Variants in LRMDA observed in about 807,000 individuals in gnomAD.
LRMDA encodes leucine rich melanocyte differentiation associated, also known as leucine-rich melanocyte differentiation-associated protein.
LRMDA carries 18 observed loss-of-function variants against 29.8 expected under a neutral mutation model. That is an observed-to-expected ratio of 0.60 (90% CI 0.42 to 0.90). LRMDA has a LOEUF of 0.90. Ranked by LOEUF, LRMDA falls within the 40% of genes least tolerant of loss-of-function variation. LRMDA has a pLI of 0.00. For missense variants in LRMDA, 273 were observed against 273.9 expected, an observed-to-expected ratio of 1.00 and a Z score of 0.02; for synonymous variants, 125 against 109.4, an observed-to-expected ratio of 1.14 and a Z score of -0.89.
intron 2 of LRMDA, among the ~76,000 whole-genome samples, chr10:75,922,591 A>G (rs991770085): frequency 6.6e-6 from 1 of 152,114 alleles, no homozygotes; most frequent in African/African-American, 2.4e-5. Flanking sequence ...CAGAGTTCCA[A>G]CATTAATGTC....
chr10:75,694,740 T>C (rs1054403814), intron 2 of LRMDA, among the ~76,000 whole-genome samples: 1 of 152,158 alleles, frequency 6.6e-6, no homozygotes, highest in African/African-American at 2.4e-5. Context: ...TTCTGAAATA[T>C]CGGCTGTATA....
At chr10:76,164,904 G>A (rs1237877367) in intron 5 of LRMDA, among the ~76,000 whole-genome samples, 8 of 152,150 alleles carry the variant, frequency 5.3e-5, no homozygotes, top group Admixed American at 2.6e-4. Context: ...CAAAGGGCAC[G>A]TGTATCAGTC....
intron 2 of LRMDA, among the ~76,000 whole-genome samples, chr10:75,563,826 C>T (rs1378628242): frequency 6.6e-6 from 1 of 152,048 alleles, no homozygotes; most frequent in Non-Finnish European, 1.5e-5. Context: ...GTATCAGCAG[C>T]GGTGGCTGCA....
intron 5 of LRMDA, among the ~76,000 whole-genome samples, chr10:76,311,116 A>C (rs1289532084): frequency 6.6e-6 from 1 of 152,202 alleles, no homozygotes; most frequent in African/African-American, 2.4e-5. Flanking sequence ...TTAGAGATTC[A>C]TTTGGGAAGC....
At chr10:75,871,481 G>A (rs1026258317) in intron 2 of LRMDA, among the ~76,000 whole-genome samples, 4 of 152,256 alleles carry the variant, frequency 2.6e-5, no homozygotes, top group Admixed American at 6.5e-5. Context: ...GGAGGCCTCC[G>A]TATGCTTCTT....
At chr10:76,508,337 A>G (rs371207076) in intron 6 of LRMDA, among the ~76,000 whole-genome samples, 89 of 152,328 alleles carry the variant, frequency 5.8e-4, no homozygotes, top group African/African-American at 2.0e-3. Context: ...ACTTACCTAC[A>G]ACAGTTATTA....
chr10:76,068,259 G>T (rs554996268), intron 5 of LRMDA, among the ~76,000 whole-genome samples: 1 of 152,220 alleles, frequency 6.6e-6, no homozygotes, highest in South Asian at 2.1e-4. Flanking sequence ...GCTCAGTGAT[G>T]AAATGAATGT....
At chr10:75,951,375 G>A (rs534448691) in intron 2 of LRMDA, among the ~76,000 whole-genome samples, 51 of 152,298 alleles carry the variant, frequency 3.3e-4, no homozygotes, top group African/African-American at 1.1e-3. Flanking sequence ...CTTCCTGGAG[G>A]AGGTGGCTTT....
At chr10:76,020,143 G>A (rs778472098) in intron 2 of LRMDA, among the ~76,000 whole-genome samples, 42 of 152,344 alleles carry the variant, frequency 2.8e-4, no homozygotes, top group Middle Eastern at 3.4e-3. Context: ...AGCTTTGCCT[G>A]AGGTGGGGTC....
chr10:76,519,434 T>C (rs1341037913), intron 6 of LRMDA, among the ~76,000 whole-genome samples: 3 of 152,202 alleles, frequency 2.0e-5, no homozygotes. Context: ...AAGCATTTCT[T>C]GTAAAGTCAA....
chr10:76,115,479 A>G (rs1343044857), intron 5 of LRMDA, among the ~76,000 whole-genome samples: 2 of 152,222 alleles, frequency 1.3e-5, no homozygotes, highest in Non-Finnish European at 2.9e-5. Context: ...TCACCCTGCC[A>G]GTTGGCAAAG....
chr10:75,668,388 T>C (rs1007996179), intron 2 of LRMDA, among the ~76,000 whole-genome samples: 2 of 152,176 alleles, frequency 1.3e-5, no homozygotes, highest in African/African-American at 4.8e-5. Context: ...TGTATCTTAA[T>C]TGATGCTCAA....
chr10:76,209,321 C>A (rs1386561304), intron 5 of LRMDA, among the ~76,000 whole-genome samples: 3 of 152,120 alleles, frequency 2.0e-5, no homozygotes, highest in African/African-American at 7.2e-5. Context: ...ACATCTGACT[C>A]ATCTTTCCAG....
At chr10:75,779,362 G>A (rs1326072086) in intron 2 of LRMDA, among the ~76,000 whole-genome samples, 2 of 152,070 alleles carry the variant, frequency 1.3e-5, no homozygotes, top group South Asian at 2.1e-4. Context: ...GATATTATCA[G>A]CAAAAGCCTA....
At chr10:75,555,794 A>G (rs1042231949) in intron 2 of LRMDA, among the ~76,000 whole-genome samples, 3 of 152,214 alleles carry the variant, frequency 2.0e-5, no homozygotes, top group Admixed American at 1.3e-4. Flanking sequence ...TGATTTGATG[A>G]AAGTAGCTGT....
chr10:76,298,455 C>T (rs1178387604), intron 5 of LRMDA, among the ~76,000 whole-genome samples: 1 of 152,178 alleles, frequency 6.6e-6, no homozygotes, highest in Non-Finnish European at 1.5e-5. Flanking sequence ...TGAGCCTGTG[C>T]AAAGGGCCTT....
intron 2 of LRMDA, among the ~76,000 whole-genome samples, chr10:76,017,361 A>G (rs1847895447): frequency 6.6e-6 from 1 of 152,264 alleles, no homozygotes; most frequent in Non-Finnish European, 1.5e-5. Flanking sequence ...TAGTGCCTTC[A>G]GAGGGAGCGT....
At chr10:75,485,821 G>C (rs935311261) in intron 2 of LRMDA, among the ~76,000 whole-genome samples, 2 of 152,138 alleles carry the variant, frequency 1.3e-5, no homozygotes, top group Non-Finnish European at 2.9e-5. Context: ...CAAGTGATCT[G>C]CCTGCCTTGG....
intron 5 of LRMDA, among the ~76,000 whole-genome samples, chr10:76,227,431 C>T (rs890965397): frequency 6.6e-6 from 1 of 152,110 alleles, no homozygotes; most frequent in Non-Finnish European, 1.5e-5. Context: ...ACAACTGGCT[C>T]CATGAACGTG....
Sources: gnomAD v4.1 joint callset for allele counts (sites outside exome capture counted in the v4.1 genomes callset) on GRCh38, gnomAD v4.1.1 for gene constraint, MANE v1.5 for transcripts, NCBI Gene and HGNC (gene_info 2026-07-23, HGNC 2026-07-21) for gene names.